SNF8: variants seen among roughly 807,000 people sequenced by gnomAD.
SNF8 encodes the protein SNF8 subunit of ESCRT-II.
In SNF8, 19 loss-of-function variants were observed where a neutral mutation model predicts 36.8. The observed-to-expected ratio is 0.52, with a 90% confidence interval of 0.36 to 0.76. The LOEUF is 0.76. Among genes scored for constraint, SNF8 ranks in the 30% least tolerant of loss-of-function variants. The pLI is 0.00. For synonymous variants in SNF8, 127 were observed against 127.4 expected (o/e 1.00, Z 0.02); for missense variants, 268 against 322.9 (o/e 0.83, Z 1.30).
chr17:48,936,113 C>T (rs2040930540), intron 5 of SNF8, 57 bp downstream of exon 5: 1 of 1,234,456 alleles, frequency 8.1e-7, no homozygotes, highest in South Asian at 1.2e-5. Flanking sequence ...AAAAGAGTTC[C>T]ATCTGAATTT....
chr17:48,939,356 CTT>C (rs879671063), intron 3 of SNF8, among the ~76,000 whole-genome samples: 1 of 151,682 alleles, frequency 6.6e-6, no homozygotes, highest in Non-Finnish European at 1.5e-5. Flanking sequence ...AGGAAAGTAA[CTT>C]GAGCCCTGGA....
intron 3 of SNF8, 89 bp from the exon 4 acceptor site, chr17:48,937,213 G>A: frequency 3.0e-6 from 3 of 1,010,060 alleles, no homozygotes; most frequent in Non-Finnish European, 4.8e-6. Flanking sequence ...CTATCATATG[G>A]GAAGTCTTCC....
At chr17:48,931,173 C>T (rs973709220) in intron 7 of SNF8, among the ~76,000 whole-genome samples, 5 of 152,072 alleles carry the variant, frequency 3.3e-5, no homozygotes, top group Admixed American at 6.5e-5. Context: ...GTACTGAAGC[C>T]GGAGTTCTTA....
chr17:48,937,050 C>G lies in SNF8; in HGVS notation c.319G>C (p.Val107Leu). Reference sequence around the variant, plus strand: ...TTCCGATGCTTCAGCGCCAGGCACACTTCGATAATTTGGACACCTAGTTCG... The same window carrying G: ...TTCCGATGCTTCAGCGCCAGGCACAGTTCGATAATTTGGACACCTAGTTCG... ...YYELGVQIIE[V>L]CLALKHRNGG... The change falls in exon 4 of 8, where the codon GTG becomes CTG. Residue 107 changes from valine to leucine, a missense_variant. By Grantham distance (32) the Val-to-Leu change is conservative. Transcript: ENST00000502492. 1 of 1,614,148 alleles carries G rather than the reference C, an allele frequency of 6.2e-7. No homozygotes were observed. The highest frequency in any genetic ancestry group is 8.5e-7 in the Non-Finnish European group (1 of 1,180,006).
chr17:48,940,551 G>GAAA (rs1432397820), intron 3 of SNF8, among the ~76,000 whole-genome samples: 1 of 151,904 alleles, frequency 6.6e-6, no homozygotes, highest in Admixed American at 6.6e-5. Context: ...AGCACTTTGG[G>GAAA]AGGCCGAGGC....
In SNF8 at chr17:48,943,908, C is replaced by A; in HGVS notation, c.105+17G>T. ...GTTAGGTCTCCCTCCCTGCCTGGGGCCCCCCAACCGACTTACCTGGGCTAG... is the reference window on the plus strand; with the variant it reads ...GTTAGGTCTCCCTCCCTGCCTGGGGACCCCCAACCGACTTACCTGGGCTAG... On this transcript the variant is annotated intron_variant, in intron 2 of 7. Coordinates refer to ENST00000502492, the MANE Select transcript of SNF8 (RefSeq NM_007241.4). 4 of 1,612,926 alleles carry A rather than the reference C, an allele frequency of 2.5e-6. No homozygotes were observed. Among genetic ancestry groups the A allele is most frequent in the Admixed American group, 3.3e-5 (2 of 60,006 alleles).
At chr17:48,934,472 C>T in intron 5 of SNF8, 2 of 219,502 alleles carry the variant, frequency 9.1e-6, no homozygotes, top group East Asian at 1.7e-4. Flanking sequence ...GCGCCAGTGG[C>T]AGGTACCTGT....
chr17:48,935,155 G>C (rs1231886058), intron 5 of SNF8, among the ~76,000 whole-genome samples: 1 of 152,048 alleles, frequency 6.6e-6, no homozygotes, highest in Non-Finnish European at 1.5e-5. Flanking sequence ...CAGATCACTT[G>C]AGGCCAGGAG....
intron 5 of SNF8, among the ~76,000 whole-genome samples, chr17:48,935,118 C>T (rs1376209781): frequency 6.6e-6 from 1 of 152,160 alleles, no homozygotes; most frequent in African/African-American, 2.4e-5. Flanking sequence ...CACCTGTAAT[C>T]CCAGCACTTT....
intron 6 of SNF8, chr17:48,931,922 A>C (rs2040865472): frequency 2.2e-6 from 1 of 463,824 alleles, no homozygotes; most frequent in African/African-American, 2.0e-5. Context: ...GTTCAATCCT[A>C]AAACTGGGGT....
chr17:48,944,139 A>C, intron 1 of SNF8, 164 bp from the exon 2 acceptor site: 1 of 562,178 alleles, frequency 1.8e-6, no homozygotes, highest in Non-Finnish European at 3.2e-6. Flanking sequence ...CGTCTCTACT[A>C]AAAATACAAA....
intron 1 of SNF8, 74 bp downstream of exon 1, chr17:48,944,607 A>G: frequency 1.3e-6 from 2 of 1,482,934 alleles, no homozygotes; most frequent in South Asian, 2.3e-5. Flanking sequence ...ATTAACGGGT[A>G]GGACACTGCT....
chr17:48,941,506 AC>A (rs368404825), intron 2 of SNF8, among the ~76,000 whole-genome samples: 12 of 150,728 alleles, frequency 8.0e-5, no homozygotes, highest in Admixed American at 6.0e-4. Context: ...GAAAATCTTT[AC>A]CCCCCCCAGC....
At chr17:48,931,793 A>G (rs746678510) in intron 6 of SNF8, 76 bp from the exon 7 acceptor site, 21 of 1,142,152 alleles carry the variant, frequency 1.8e-5, no homozygotes, top group Non-Finnish European at 2.6e-5. Flanking sequence ...GCCCAGGAAC[A>G]AGAGACTTAC....
At chr17:48,932,232 A>C (rs1257216391) in intron 6 of SNF8, 5 of 152,390 alleles carry the variant, frequency 3.3e-5, no homozygotes, top group African/African-American at 1.2e-4. Context: ...AAAAACAAAA[A>C]AGTGGGGTCC....
At position 48,937,042 on chromosome 17, in the gene SNF8, C is replaced by A. The variant is rs750421797; in HGVS notation, c.327G>T (p.Leu109=). 1.9e-6 allele frequency: 3 copies of A among 1,614,008 alleles called. No homozygotes were observed. Among genetic ancestry groups the A allele is most frequent in the Non-Finnish European group, 2.5e-6 (3 of 1,179,894 alleles). The change falls in exon 4 of 8, where the codon CTG becomes CTT. Residue 109 remains leucine (L), a synonymous_variant. Coordinates refer to ENST00000502492, the MANE Select transcript of SNF8 (RefSeq NM_007241.4). The stretch of plus-strand genomic sequence containing the variant: ...CACCTCCATTCCGATGCTTCAGCGC[C>A]AGGCACACTTCGATAATTTGGACAC... The part of the protein sequence containing the change: ...ELGVQIIEVC[L]ALKHRNGGLI...
intron 5 of SNF8, among the ~76,000 whole-genome samples, chr17:48,934,278 CAATGAGTATGG>C (rs2040902806): frequency 6.6e-6 from 1 of 151,704 alleles, no homozygotes; most frequent in Admixed American, 6.6e-5. Context: ...ATGAAATCTG[CAATGAGTATGG>C]CTAGTAATCT....
In SNF8 at chr17:48,933,049, TA is replaced by T. The variant is rs200932889; in HGVS notation, c.564+155del. The T allele has an allele frequency of 9.3e-5, 67 of 720,096 alleles. No individual in the cohort carries two copies. In the East Asian group the frequency reaches 1.3e-3, roughly 14 times the overall value. 44.6% of individuals were successfully genotyped at this position (720,096 alleles called of 1,614,324 possible). A position where few individuals can be genotyped will look rare whatever the true frequency, so the allele number is the denominator to read the frequency against. ...AGTGCTTTGCACTGTAGCTGCTCAA[TA>T]AATGTCTGCTGAACAAGCACAGGCC... On this transcript the variant is annotated intron_variant, in intron 6 of 7. Transcript: ENST00000502492.
intron 6 of SNF8, 197 bp downstream of exon 6, chr17:48,933,008 C>T: frequency 2.0e-6 from 1 of 507,056 alleles, no homozygotes; most frequent in Non-Finnish European, 3.4e-6. Flanking sequence ...TCTTTATATG[C>T]CCCACAGCCT....
Sources: gnomAD v4.1 joint callset for allele counts (sites outside exome capture counted in the v4.1 genomes callset) on GRCh38, gnomAD v4.1.1 for gene constraint, MANE v1.5 for transcripts, NCBI Gene and HGNC (gene_info 2026-07-23, HGNC 2026-07-21) for gene names.